The following SAMD12 variants were observed in gnomAD, a reference collection of about 807,000 sequenced individuals.
The protein encoded by SAMD12 is sterile alpha motif domain containing 12, also known as sterile alpha motif domain-containing protein 12.
Under a neutral mutation model 15.0 loss-of-function variants are expected in SAMD12, and 9 were observed. The ratio of observed to expected loss-of-function variants is 0.60; its 90% CI spans 0.36 to 1.05. The LOEUF (loss-of-function observed/expected upper bound fraction) is 1.05. SAMD12 is among the 50% of genes least tolerant of loss of function. The probability of loss-of-function intolerance (pLI) is 0.01; values close to 1 mark genes in which losing one functional copy is unlikely to be tolerated. For synonymous variants in SAMD12, 86 were observed against 90.1 expected (o/e 0.96, Z 0.25); for missense variants, 230 against 234.2 (o/e 0.98, Z 0.12).
At chr8:118,285,377 T>C (rs1355314461) in intron 4 of SAMD12, among the ~76,000 whole-genome samples, 4 of 152,176 alleles carry the variant, frequency 2.6e-5, no homozygotes, top group Non-Finnish European at 5.9e-5. Flanking sequence ...AAGAAATAGG[T>C]AAACAGAAAA....
intron 4 of SAMD12, among the ~76,000 whole-genome samples, chr8:118,357,811 C>T (rs377235019): frequency 6.6e-6 from 1 of 152,182 alleles, no homozygotes; most frequent in African/African-American, 2.4e-5. Flanking sequence ...CTCTCTTGGG[C>T]TCTGTGATTC....
intron 4 of SAMD12, among the ~76,000 whole-genome samples, chr8:118,198,066 T>C (rs1586333335): frequency 6.6e-6 from 1 of 152,332 alleles, no homozygotes; most frequent in South Asian, 2.1e-4. Flanking sequence ...ATTATGAAGG[T>C]TCATGCATTT....
At chr8:118,584,924 C>T (rs2514585) in intron 1 of SAMD12, among the ~76,000 whole-genome samples, 5,506 of 32,314 alleles carry the variant, frequency 0.17, 112 homozygotes, top group African/African-American at 0.26. Context: ...TGTAGGTATA[C>T]ACACACACAC....
At chr8:118,131,944 C>T in the SAMD12 span, among the ~76,000 whole-genome samples, 1 of 152,042 alleles carries the variant, frequency 6.6e-6, no homozygotes, top group Non-Finnish European at 1.5e-5. Flanking sequence ...GTTCAGAAAA[C>T]ATAAATAAGC....
intron 4 of SAMD12, among the ~76,000 whole-genome samples, chr8:118,278,497 G>C (rs555424913): frequency 3.3e-5 from 5 of 152,318 alleles, no homozygotes; most frequent in African/African-American, 1.2e-4. Flanking sequence ...GGGAAGCCTA[G>C]AGAACAAACC....
chr8:118,170,302 T>C, the SAMD12 span, among the ~76,000 whole-genome samples: 26 of 152,256 alleles, frequency 1.7e-4, no homozygotes, highest in South Asian at 5.2e-3. Flanking sequence ...CGTAGATATA[T>C]TAGTTTAATA....
intron 4 of SAMD12, among the ~76,000 whole-genome samples, chr8:118,329,357 AATT>A (rs1316874728): frequency 1.3e-5 from 2 of 152,066 alleles, no homozygotes; most frequent in African/African-American, 2.4e-5. Flanking sequence ...GAGTTATTAA[AATT>A]ATTATGATTA....
intron 3 of SAMD12, among the ~76,000 whole-genome samples, chr8:118,436,247 C>T (rs183373512): frequency 6.6e-6 from 1 of 152,250 alleles, no homozygotes; most frequent in African/African-American, 2.4e-5. Context: ...TGAATGAATG[C>T]CCATTATATG....
At chr8:118,246,630 A>G (rs1214514974) in intron 4 of SAMD12, among the ~76,000 whole-genome samples, 1 of 152,142 alleles carries the variant, frequency 6.6e-6, no homozygotes, top group Non-Finnish European at 1.5e-5. Context: ...AAAAAACATC[A>G]TATCATTTCA....
chr8:118,267,701 TTGTGTGTG>T (rs10671962), intron 4 of SAMD12, among the ~76,000 whole-genome samples: 4 of 147,606 alleles, frequency 2.7e-5, no homozygotes, highest in East Asian at 4.0e-4. Flanking sequence ...TTCCCATCTG[TTGTGTGTG>T]TGTGTGTGTG....
chr8:118,456,442 C>A (rs186055582), intron 2 of SAMD12, among the ~76,000 whole-genome samples: 18 of 152,308 alleles, frequency 1.2e-4, no homozygotes, highest in African/African-American at 4.3e-4. Context: ...CTGCACTTAG[C>A]ACCTAGGGGG....
At chr8:118,259,408 A>G (rs1813026649) in intron 4 of SAMD12, among the ~76,000 whole-genome samples, 1 of 152,050 alleles carries the variant, frequency 6.6e-6, no homozygotes, top group South Asian at 2.1e-4. Context: ...GGGTAGTGCC[A>G]ATGGCATCTT....
At chr8:118,472,195 G>A (rs191639724) in intron 2 of SAMD12, among the ~76,000 whole-genome samples, 1,721 of 152,200 alleles carry the variant, frequency 0.011, 21 homozygotes, top group Non-Finnish European at 0.016. Flanking sequence ...GCTGAGGCAG[G>A]AGTATGGCGT....
At chr8:118,178,811 C>T in the SAMD12 span, among the ~76,000 whole-genome samples, 3 of 152,170 alleles carry the variant, frequency 2.0e-5, no homozygotes, top group African/African-American at 7.2e-5. Context: ...ATGCTAACTG[C>T]CACAGCAGAC....
chr8:118,312,115 C>T (rs189060421), intron 4 of SAMD12, among the ~76,000 whole-genome samples: 1 of 152,270 alleles, frequency 6.6e-6, no homozygotes, highest in East Asian at 1.9e-4. Flanking sequence ...CACCTTTACA[C>T]ATTTTCACCA....
chr8:118,277,536 G>C (rs1813503769), intron 4 of SAMD12, among the ~76,000 whole-genome samples: 1 of 149,518 alleles, frequency 6.7e-6, no homozygotes, highest in Non-Finnish European at 1.5e-5. Flanking sequence ...GCAGGCCTGG[G>C]ACAAAGAGGA....
the SAMD12 span, among the ~76,000 whole-genome samples, chr8:118,174,896 C>T: frequency 1.3e-5 from 2 of 151,776 alleles, 1 homozygote; most frequent in South Asian, 4.2e-4. Flanking sequence ...GTTGTTGTAC[C>T]ATTTAGAATA....
chr8:118,354,653 C>T (rs1326583047), intron 4 of SAMD12, among the ~76,000 whole-genome samples: 1 of 152,188 alleles, frequency 6.6e-6, no homozygotes, highest in Non-Finnish European at 1.5e-5. Flanking sequence ...TGCTCAATAG[C>T]CACATGTCAT....
chr8:118,277,348 TTCTA>T (rs1226244021), intron 4 of SAMD12, among the ~76,000 whole-genome samples: 3 of 152,204 alleles, frequency 2.0e-5, no homozygotes, highest in Admixed American at 6.5e-5. Flanking sequence ...TGTTCTATCT[TTCTA>T]TCTATCTATC....
Sources: allele counts gnomAD v4.1 joint callset (sites outside exome capture counted in the v4.1 genomes callset), GRCh38; gene constraint gnomAD v4.1.1; transcripts MANE v1.5; gene names NCBI Gene and HGNC (gene_info 2026-07-23, HGNC 2026-07-21).